The following CNTNAP5 variants were observed in gnomAD, a reference collection of about 807,000 sequenced individuals.
CNTNAP5 encodes the protein contactin associated protein family member 5.
A neutral mutation model predicts 150.2 loss-of-function variants in CNTNAP5; 72 were observed. That is an observed-to-expected ratio of 0.48 (90% CI 0.40 to 0.58). The LOEUF is 0.58. Among genes scored for constraint, CNTNAP5 ranks in the 20% least tolerant of loss-of-function variants. The probability of loss-of-function intolerance (pLI) is 0.00; values close to 1 mark genes in which losing one functional copy is unlikely to be tolerated. For missense variants in CNTNAP5, 1,636 were observed against 1,626.2 expected (o/e 1.01, Z -0.10); for synonymous variants, 672 against 619.8 (o/e 1.08, Z -1.25).
At chr2:124,144,701 C>A (rs955686762) in intron 1 of CNTNAP5, among the ~76,000 whole-genome samples, 7 of 138,420 alleles carry the variant, frequency 5.1e-5, no homozygotes, top group Admixed American at 3.0e-4. Context: ...TAGAAGAAAA[C>A]CTAGGCATTA....
At chr2:124,108,823 G>C (rs994106914) in intron 1 of CNTNAP5, among the ~76,000 whole-genome samples, 5 of 152,154 alleles carry the variant, frequency 3.3e-5, no homozygotes, top group Non-Finnish European at 5.9e-5. Flanking sequence ...AAACCAGAAA[G>C]TGATCAATTA....
intron 3 of CNTNAP5, among the ~76,000 whole-genome samples, chr2:124,328,703 G>A (rs1356861469): frequency 6.6e-6 from 1 of 152,124 alleles, no homozygotes; most frequent in African/African-American, 2.4e-5. Context: ...CTAATAGGAT[G>A]GGGTGAGATA....
chr2:124,075,604 C>T (rs1289732341), intron 1 of CNTNAP5, among the ~76,000 whole-genome samples: 1 of 152,108 alleles, frequency 6.6e-6, no homozygotes, highest in African/African-American at 2.4e-5. Context: ...TTCTTTGCTG[C>T]ACTTTCATCT....
intron 13 of CNTNAP5, among the ~76,000 whole-genome samples, chr2:124,697,053 A>G (rs1202976047): frequency 6.6e-6 from 1 of 152,184 alleles, no homozygotes; most frequent in Non-Finnish European, 1.5e-5. Context: ...GATCCACTTA[A>G]TAATAAATCT....
chr2:124,566,486 A>T (rs1015027623), intron 11 of CNTNAP5, among the ~76,000 whole-genome samples: 1 of 152,196 alleles, frequency 6.6e-6, no homozygotes, highest in Non-Finnish European at 1.5e-5. Context: ...TTAAAGGAAC[A>T]CTGTCAAGCC....
intron 3 of CNTNAP5, among the ~76,000 whole-genome samples, chr2:124,321,036 G>A (rs1034270569): frequency 5.3e-5 from 8 of 152,148 alleles, no homozygotes; most frequent in Admixed American, 2.0e-4. Context: ...TGGAGATCTT[G>A]TAAAGTCTTT....
At chr2:124,636,695 A>C (rs1663348242) in intron 12 of CNTNAP5, among the ~76,000 whole-genome samples, 1 of 152,066 alleles carries the variant, frequency 6.6e-6, no homozygotes, top group Admixed American at 6.6e-5. Flanking sequence ...CTGTTATAAA[A>C]GCATGTGCAT....
At chr2:124,439,215 C>G (rs1228803432) in intron 5 of CNTNAP5, among the ~76,000 whole-genome samples, 2 of 151,984 alleles carry the variant, frequency 1.3e-5, no homozygotes, top group Non-Finnish European at 2.9e-5. Context: ...GTATTTCATA[C>G]AAAGAATCAA....
chr2:124,290,874 CTTTATTTATTTATTTA>C (rs59044145), intron 3 of CNTNAP5, among the ~76,000 whole-genome samples: 51,244 of 148,126 alleles, frequency 0.35, 9,054 homozygotes, highest in South Asian at 0.51. Context: ...ATCTTCCTTC[CTTTATTTATTTATTTA>C]TTTATTTATT....
chr2:124,553,064 C>G (rs1343071056), intron 10 of CNTNAP5, among the ~76,000 whole-genome samples: 1 of 151,926 alleles, frequency 6.6e-6, no homozygotes, highest in Non-Finnish European at 1.5e-5. Flanking sequence ...AAATAGAATT[C>G]TAGGTCAAAG....
chr2:124,168,591 T>C (rs777892632), intron 1 of CNTNAP5, among the ~76,000 whole-genome samples: 2 of 152,142 alleles, frequency 1.3e-5, no homozygotes, highest in Non-Finnish European at 2.9e-5. Context: ...CTTTCAAATA[T>C]CTGCAAGAAT....
At chr2:124,054,805 C>T (rs935970456) in intron 1 of CNTNAP5, among the ~76,000 whole-genome samples, 1 of 152,162 alleles carries the variant, frequency 6.6e-6, no homozygotes, top group Non-Finnish European at 1.5e-5. Context: ...GAAAGAAATA[C>T]TTGCCTTTTC....
chr2:124,202,426 A>T (rs1006072844), intron 1 of CNTNAP5, among the ~76,000 whole-genome samples: 1 of 152,210 alleles, frequency 6.6e-6, no homozygotes, highest in African/African-American at 2.4e-5. Context: ...GGATGTCTTT[A>T]GTAGTGTAAT....
At chr2:124,542,768 C>G (rs182902206) in intron 10 of CNTNAP5, among the ~76,000 whole-genome samples, 1 of 152,110 alleles carries the variant, frequency 6.6e-6, no homozygotes, top group Admixed American at 6.6e-5. Context: ...AAGTTCATCA[C>G]GTCTACTGAT....
intron 2 of CNTNAP5, among the ~76,000 whole-genome samples, chr2:124,234,271 G>A (rs1394839181): frequency 6.6e-6 from 1 of 152,080 alleles, no homozygotes; most frequent in African/African-American, 2.4e-5. Context: ...GTATTGATTT[G>A]CCAAGTTAAA....
chr2:124,471,512 A>G (rs1357416420), intron 6 of CNTNAP5, among the ~76,000 whole-genome samples: 3 of 152,144 alleles, frequency 2.0e-5, no homozygotes, highest in Non-Finnish European at 4.4e-5. Flanking sequence ...ATCTGCAAAC[A>G]AAGATAATTT....
chr2:124,285,239 C>T (rs1340877363), intron 3 of CNTNAP5, among the ~76,000 whole-genome samples: 1 of 152,108 alleles, frequency 6.6e-6, no homozygotes, highest in South Asian at 2.1e-4. Flanking sequence ...TGCATGAGTT[C>T]CCTGGAGAAT....
chr2:124,898,234 G>C (rs1343131529), intron 21 of CNTNAP5, among the ~76,000 whole-genome samples: 2 of 151,272 alleles, frequency 1.3e-5, no homozygotes, highest in Non-Finnish European at 2.9e-5. Flanking sequence ...GGTCTGTATG[G>C]TTTTGTGTTG....
At chr2:124,306,336 G>A (rs1361199684) in intron 3 of CNTNAP5, among the ~76,000 whole-genome samples, 1 of 152,162 alleles carries the variant, frequency 6.6e-6, no homozygotes, top group African/African-American at 2.4e-5. Flanking sequence ...CCACCTGGAA[G>A]TGAGTTAGAC....
Sources: gnomAD v4.1 joint callset for allele counts (sites outside exome capture counted in the v4.1 genomes callset) on GRCh38, gnomAD v4.1.1 for gene constraint, MANE v1.5 for transcripts, NCBI Gene and HGNC (gene_info 2026-07-23, HGNC 2026-07-21) for gene names.